The following SMC6 variants were observed in gnomAD, a reference collection of about 807,000 sequenced individuals.
SMC6 encodes structural maintenance of chromosomes 6, also known as structural maintenance of chromosomes protein 6.
In SMC6, 79 loss-of-function variants were observed where a neutral mutation model predicts 142.2. The ratio of observed to expected loss-of-function variants is 0.56; its 90% CI spans 0.46 to 0.67. The LOEUF (loss-of-function observed/expected upper bound fraction) is 0.67. Among genes scored for constraint, SMC6 ranks in the 30% least tolerant of loss-of-function variants. The probability of loss-of-function intolerance (pLI) is 0.00; values close to 1 mark genes in which losing one functional copy is unlikely to be tolerated. For synonymous variants in SMC6, 411 were observed against 412.4 expected (o/e 1.00, Z 0.04); for missense variants, 1,072 against 1,284.0 (o/e 0.83, Z 2.52).
Position 17,707,478 on chromosome 2 carries a change from A to C in SMC6, c.1846-99T>G, listed in dbSNP as rs548846309. 2.5e-4 allele frequency: 157 copies of C among 625,160 alleles called. 1 individual carries two copies. Among genetic ancestry groups the C allele is most frequent in the Middle Eastern group, 9.2e-4 (2 of 2,170 alleles). 38.7% of individuals were successfully genotyped at this position (625,160 alleles called of 1,614,324 possible). On this transcript the variant is annotated intron_variant, in intron 17 of 27. Coordinates refer to ENST00000448223, the MANE Select transcript of SMC6 (RefSeq NM_001142286.2). ...TACTCGTCCTTATTATTTTAATATG[A>C]TTCAAGTATTCTTTTTAAAACATTC...
chr2:17,673,661 C>T (rs1178101680), intron 25 of SMC6, among the ~76,000 whole-genome samples: 2 of 148,458 alleles, frequency 1.3e-5, no homozygotes, highest in Non-Finnish European at 3.0e-5. Flanking sequence ...CCTCCGCCTC[C>T]CGGGTTTAAG....
In SMC6 at chr2:17,665,323, G is replaced by A. The variant is rs535871305; in HGVS notation, c.*176C>T. Reference sequence around the variant, plus strand: ...CTTAAAGTAATAGTAATCTTAAATTGCAGGTTGTAGTTGGTTTTCCAGGCT... The same window carrying A: ...CTTAAAGTAATAGTAATCTTAAATTACAGGTTGTAGTTGGTTTTCCAGGCT... On this transcript the variant is annotated 3_prime_UTR_variant, in exon 28 of 28. Transcript: ENST00000448223. 34 of 396,416 alleles carry A rather than the reference G, an allele frequency of 8.6e-5. No individual in the cohort carries two copies. The highest frequency in any genetic ancestry group is 1.3e-4 in the Admixed American group (3 of 23,128). The allele number at this position is 396,416 out of a possible 1,614,324, so 24.6% of individuals were successfully genotyped here. A position where few individuals can be genotyped will look rare whatever the true frequency, so the allele number is the denominator to read the frequency against.
chr2:17,719,037 T>G (rs1669243500), intron 11 of SMC6, among the ~76,000 whole-genome samples: 1 of 152,092 alleles, frequency 6.6e-6, no homozygotes, highest in Non-Finnish European at 1.5e-5. Context: ...AGGGACTGAT[T>G]AGAAGGAACA....
In SMC6 at chr2:17,752,727, C is replaced by A. The variant is rs146128391; in HGVS notation, c.-6+251G>T. Among the ~76,000 whole-genome samples, 644 of 152,212 alleles carry A rather than the reference C, an allele frequency of 4.2e-3. 7 individuals are homozygous for A. The highest frequency in any genetic ancestry group is 0.014 in the African/African-American group (601 of 41,506). On this transcript the variant is annotated intron_variant, in intron 2 of 27. Transcript: ENST00000448223. Reference sequence around the variant, plus strand: ...ATATGTTCCCTCTCTACCCACACACCCATGGAACAAACTGCATGCCACTGT... The same window carrying A: ...ATATGTTCCCTCTCTACCCACACACACATGGAACAAACTGCATGCCACTGT...
At chr2:17,685,698 A>G (rs1363801561) in intron 23 of SMC6, among the ~76,000 whole-genome samples, 1 of 152,134 alleles carries the variant, frequency 6.6e-6, no homozygotes, top group Non-Finnish European at 1.5e-5. Context: ...AGAAAAAAAA[A>G]TCATAGGTGA....
At position 17,695,243 on chromosome 2, in the gene SMC6, AT is replaced by A. The variant is rs1319436544; in HGVS notation, c.2586del (p.Lys862AsnfsTer13). 6.2e-7 allele frequency: 1 copy of A among 1,613,370 alleles called. No homozygotes were observed. The highest frequency in any genetic ancestry group is 2.2e-5 in the East Asian group (1 of 44,764). On this transcript the variant is annotated frameshift_variant, in exon 23 of 28. Coordinates refer to ENST00000448223, the MANE Select transcript of SMC6 (RefSeq NM_001142286.2). LOFTEE classifies it high-confidence loss of function. ...ATTTCTTTGTCCAGAATTGATGCAG[AT>A]TTTTCTACTTCTATACGCTCTGGGC... The part of the protein sequence containing the change: ...QICPERIEVE[K>X]SASILDKEIN...
In SMC6 at chr2:17,741,485, T is replaced by C. The variant is rs374252284; in HGVS notation, c.238+127A>G. 4.4e-5 allele frequency: 27 copies of C among 612,622 alleles called. No homozygotes were observed. In the Admixed American group the frequency reaches 7.1e-4, roughly 16 times the overall value. The allele number at this position is 612,622 out of a possible 1,614,324, so 37.9% of individuals were successfully genotyped here. A position where few individuals can be genotyped will look rare whatever the true frequency, so the allele number is the denominator to read the frequency against. On this transcript the variant is annotated intron_variant, in intron 4 of 27. Transcript: ENST00000448223. ...TGGCAGCAAATACCAAGAATATTCA[T>C]AACCACAAGTTATACATCTATAGAA...
chr2:17,714,989 A>G lies in SMC6; in HGVS notation c.1602T>C (p.Tyr534=), dbSNP rs145245598. Reference sequence around the variant, plus strand: ...TTTCATCAGCATGATTATGGCAACAATAGGCCTGCAGAAGCCCTTTTAAGC... The same window carrying G: ...TTTCATCAGCATGATTATGGCAACAGTAGGCCTGCAGAAGCCCTTTTAAGC... ...ESCLKGLLQA[Y]CCHNHADERV... is the part of the protein sequence containing the mutation. Residue 534 remains tyrosine, a synonymous_variant, in exon 16 of 28, where the codon TAT becomes TAC. Transcript: ENST00000448223. 766 of 1,614,080 alleles carry G rather than the reference A, an allele frequency of 4.7e-4. 2 individuals are homozygous for G. The African/African-American group carries it at 7.3e-3, about 15-fold the overall frequency.
In SMC6 at chr2:17,708,738, TG is replaced by T; in HGVS notation, c.1745del (p.Pro582GlnfsTer7). On this transcript the variant is annotated frameshift_variant, in exon 17 of 28. Coordinates refer to ENST00000448223, the MANE Select transcript of SMC6 (RefSeq NM_001142286.2). LOFTEE classifies it high-confidence loss of function. ...YDVRHRAAYHPDFPTVLTALE... is the reference protein window; with the variant it reads ...YDVRHRAAYHXDFPTVLTALE... ...AAGCTGTCAGAACTGTTGGAAAGTC[TG>T]GATGATAAGCAGCTCTAGGAGACAA... The T allele has an allele frequency of 6.5e-7, 1 of 1,535,558 alleles. No homozygotes were observed. The highest frequency in any genetic ancestry group is 8.8e-7 in the Non-Finnish European group (1 of 1,139,398).
intron 3 of SMC6, 77 bp downstream of exon 3, chr2:17,745,745 TTTAAG>T (rs913091054): frequency 1.4e-5 from 20 of 1,393,936 alleles, no homozygotes; most frequent in Middle Eastern, 1.9e-4. Context: ...TTTTCTTGAT[TTTAAG>T]TTATCACAGA....
intron 7 of SMC6, 23 bp from the exon 8 acceptor site, chr2:17,726,492 T>G: frequency 6.3e-7 from 1 of 1,585,910 alleles, no homozygotes; most frequent in Middle Eastern, 1.7e-4. Flanking sequence ...AAAAGTCATT[T>G]TTGAATATTT....
intron 2 of SMC6, among the ~76,000 whole-genome samples, chr2:17,747,143 C>T (rs528299325): frequency 2.1e-4 from 32 of 152,236 alleles, no homozygotes; most frequent in Non-Finnish European, 4.1e-4. Context: ...CCTAGATTTC[C>T]ACCCATACAG....
chr2:17,669,499 C>T (rs978519840), intron 26 of SMC6, among the ~76,000 whole-genome samples: 4 of 151,996 alleles, frequency 2.6e-5, no homozygotes, highest in Non-Finnish European at 4.4e-5. Context: ...AGATCTCAAA[C>T]GTTTAAGGGC....
At chr2:17,697,225 T>G (rs537453620) in intron 21 of SMC6, among the ~76,000 whole-genome samples, 1 of 151,754 alleles carries the variant, frequency 6.6e-6, no homozygotes, top group African/African-American at 2.4e-5. Flanking sequence ...AGGTTCTGGA[T>G]AGTTCAGTTA....
intron 11 of SMC6, among the ~76,000 whole-genome samples, chr2:17,720,421 A>G (rs1363013887): frequency 6.6e-6 from 1 of 152,168 alleles, no homozygotes; most frequent in African/African-American, 2.4e-5. Flanking sequence ...AGACCTAACA[A>G]TGAATCCTAC....
chr2:17,739,802 G>C (rs1366636430), intron 4 of SMC6, among the ~76,000 whole-genome samples: 4 of 150,198 alleles, frequency 2.7e-5, no homozygotes, highest in African/African-American at 9.9e-5. Flanking sequence ...GACCCGGAGA[G>C]AGAGATCCTT....
intron 25 of SMC6, among the ~76,000 whole-genome samples, chr2:17,677,340 A>G (rs1289028495): frequency 6.6e-6 from 1 of 152,154 alleles, no homozygotes; most frequent in African/African-American, 2.4e-5. Flanking sequence ...TATCATTCAT[A>G]ACTGTTCCTT....
intron 5 of SMC6, among the ~76,000 whole-genome samples, chr2:17,737,996 C>G (rs779340328): frequency 2.6e-4 from 40 of 152,224 alleles, no homozygotes; most frequent in African/African-American, 8.7e-4. Flanking sequence ...GATGGCCAGG[C>G]ACAGGGCAAT....
intron 24 of SMC6, 58 bp downstream of exon 24, chr2:17,683,580 T>A (rs1404851813): frequency 2.1e-6 from 3 of 1,431,846 alleles, no homozygotes; most frequent in African/African-American, 1.4e-5. Context: ...ATAAATAATA[T>A]GAAAACAGAG....
Sources: gnomAD v4.1 joint callset for allele counts (sites outside exome capture counted in the v4.1 genomes callset) on GRCh38, gnomAD v4.1.1 for gene constraint, MANE v1.5 for transcripts, NCBI Gene and HGNC (gene_info 2026-07-23, HGNC 2026-07-21) for gene names.